The following RIMS1 variants were observed in gnomAD, a reference collection of about 807,000 sequenced individuals.
RIMS1 encodes the protein regulating synaptic membrane exocytosis protein 1.
RIMS1 carries 83 observed loss-of-function variants against 214.1 expected under a neutral mutation model. That is an observed-to-expected ratio of 0.39 (90% CI 0.32 to 0.47). RIMS1 has a LOEUF of 0.47. RIMS1 is among the 20% of genes least tolerant of loss of function. RIMS1 has a pLI of 0.99. For synonymous variants in RIMS1, 793 were observed against 786.8 expected (o/e 1.01, Z -0.13); for missense variants, 2,050 against 2,161.8 (o/e 0.95, Z 1.03).
chr6:72,038,345 A>G (rs977286996), intron 2 of RIMS1, among the ~76,000 whole-genome samples: 2 of 151,632 alleles, frequency 1.3e-5, no homozygotes, highest in African/African-American at 4.8e-5. Context: ...TAATTTGTAA[A>G]CACTGTCATA....
chr6:71,983,822 A>G (rs942426298), intron 2 of RIMS1, among the ~76,000 whole-genome samples: 1 of 152,228 alleles, frequency 6.6e-6, no homozygotes, highest in Non-Finnish European at 1.5e-5. Context: ...TACATAGCAA[A>G]CCATCTTGTA....
At chr6:71,995,026 T>A (rs1802956117) in intron 2 of RIMS1, among the ~76,000 whole-genome samples, 1 of 152,116 alleles carries the variant, frequency 6.6e-6, no homozygotes, top group Admixed American at 6.6e-5. Context: ...TATTAACATA[T>A]CAAGAAGTAA....
intron 29 of RIMS1, among the ~76,000 whole-genome samples, chr6:72,340,876 T>C (rs897721966): frequency 1.3e-5 from 2 of 152,110 alleles, no homozygotes; most frequent in African/African-American, 4.8e-5. Flanking sequence ...CCTTGGGCAG[T>C]ATGGCCATTT....
intron 6 of RIMS1, among the ~76,000 whole-genome samples, chr6:72,191,486 T>C (rs954223032): frequency 1.3e-5 from 2 of 152,240 alleles, no homozygotes; most frequent in Non-Finnish European, 2.9e-5. Context: ...CAGCATAATG[T>C]CATCAATGTA....
intron 24 of RIMS1, 138 bp downstream of exon 24, chr6:72,284,256 C>A: frequency 1.7e-6 from 1 of 594,948 alleles, no homozygotes. Context: ...AAACCTACCC[C>A]TAAATGGAAA....
chr6:72,013,476 ATGAAAAAGAC>A (rs1811581818), intron 2 of RIMS1, among the ~76,000 whole-genome samples: 2 of 152,216 alleles, frequency 1.3e-5, no homozygotes, highest in South Asian at 4.1e-4. Context: ...AACTAGAGAA[ATGAAAAAGAC>A]TGAAAAAGAC....
chr6:71,934,468 T>A (rs932008708), intron 1 of RIMS1, among the ~76,000 whole-genome samples: 5 of 152,228 alleles, frequency 3.3e-5, no homozygotes, highest in African/African-American at 1.2e-4. Flanking sequence ...TCTAATGCTG[T>A]TACACGTTTG....
At chr6:72,341,954 T>C (rs957176126) in intron 29 of RIMS1, among the ~76,000 whole-genome samples, 2 of 151,858 alleles carry the variant, frequency 1.3e-5, no homozygotes, top group Non-Finnish European at 2.9e-5. Context: ...CAGGACTCTT[T>C]CACAATTTTC....
At chr6:72,290,656 C>G in intron 24 of RIMS1, 23 bp from the exon 25 acceptor site, 1 of 1,603,130 alleles carries the variant, frequency 6.2e-7, no homozygotes, top group Non-Finnish European at 8.5e-7. Context: ...GACTGAAGAT[C>G]TTTTTTGGCC....
At chr6:71,978,811 A>G (rs1398997190) in intron 2 of RIMS1, among the ~76,000 whole-genome samples, 4 of 152,090 alleles carry the variant, frequency 2.6e-5, no homozygotes, top group African/African-American at 9.7e-5. Flanking sequence ...ATCAATATCA[A>G]TTTTCTATTG....
chr6:72,340,730 T>G (rs1211036602), intron 29 of RIMS1, among the ~76,000 whole-genome samples: 1 of 152,086 alleles, frequency 6.6e-6, no homozygotes, highest in African/African-American at 2.4e-5. Context: ...GCCTCCAGCT[T>G]TGTTCTTTTG....
At chr6:72,226,763 CA>C (rs11313837) in intron 6 of RIMS1, among the ~76,000 whole-genome samples, 104,137 of 151,838 alleles carry the variant, frequency 0.69, 36,534 homozygotes, top group East Asian at 0.98. Flanking sequence ...AAGCCCATTT[CA>C]AAGCATGTTT....
chr6:72,181,404 A>G (rs1186454420), intron 5 of RIMS1, among the ~76,000 whole-genome samples: 3 of 152,222 alleles, frequency 2.0e-5, no homozygotes, highest in African/African-American at 7.2e-5. Flanking sequence ...TGGGAGAAGA[A>G]GAGACAAAAA....
rs138233637 is a variant in RIMS1 at position 72,025,659 on chromosome 6, A to C, written c.245+56596A>C. Reference sequence around the variant, plus strand: ...TGGCTAGGACCTTTTTGTACTAGTTATCTATTGCTTCACTCGCATAAATTA... The same window carrying C: ...TGGCTAGGACCTTTTTGTACTAGTTCTCTATTGCTTCACTCGCATAAATTA... On this transcript the variant is annotated intron_variant, in intron 2 of 33. Coordinates refer to ENST00000521978, the MANE Select transcript of RIMS1 (RefSeq NM_014989.7). 6.6e-5 allele frequency among the ~76,000 whole-genome samples: 10 copies of C among 152,248 alleles called. No homozygotes were observed. In the East Asian group the frequency reaches 1.4e-3, roughly 21 times the overall value.
chr6:72,377,084 A>G (rs1431983627), intron 29 of RIMS1, among the ~76,000 whole-genome samples: 1 of 152,214 alleles, frequency 6.6e-6, no homozygotes, highest in African/African-American at 2.4e-5. Flanking sequence ...CTTGACAAAA[A>G]TATCTTTTTA....
chr6:72,199,689 G>A (rs1194439367), intron 6 of RIMS1, among the ~76,000 whole-genome samples: 1 of 151,984 alleles, frequency 6.6e-6, no homozygotes, highest in African/African-American at 2.4e-5. Context: ...AGAAATAGAG[G>A]ATTAAGTATG....
chr6:72,133,224 T>G (rs1587803974), intron 4 of RIMS1, among the ~76,000 whole-genome samples: 1 of 140,722 alleles, frequency 7.1e-6, no homozygotes, highest in East Asian at 2.0e-4. Flanking sequence ...TTTTTTTCTT[T>G]TCTCTCTTTT....
chr6:72,281,618 T>G (rs1306266860), intron 23 of RIMS1, among the ~76,000 whole-genome samples: 1 of 152,132 alleles, frequency 6.6e-6, no homozygotes, highest in Non-Finnish European at 1.5e-5. Flanking sequence ...GCAAAATTTT[T>G]CATCTGAATC....
In RIMS1 at chr6:72,183,091, G is replaced by A; in HGVS notation, c.1620G>A (p.Thr540=). 6.3e-7 allele frequency: 1 copy of A among 1,591,800 alleles called. No homozygotes were observed. The highest frequency in any genetic ancestry group is 8.5e-7 in the Non-Finnish European group (1 of 1,170,308). The change falls in exon 6 of 34, where the codon ACG becomes ACA. Residue 540 remains threonine, a synonymous_variant. Coordinates refer to ENST00000521978, the MANE Select transcript of RIMS1 (RefSeq NM_014989.7). ...VSSSEEEGVS[T]PEYTSCEDVE... is the part of the protein sequence containing the mutation. The stretch of plus-strand genomic sequence containing the variant: ...GCTCTGAGGAGGAGGGCGTGTCGAC[G>A]CCCGAGTACACCAGCTGCGAGGACG...
Sources: gnomAD v4.1 joint callset for allele counts (sites outside exome capture counted in the v4.1 genomes callset) on GRCh38, gnomAD v4.1.1 for gene constraint, MANE v1.5 for transcripts, NCBI Gene and HGNC (gene_info 2026-07-23, HGNC 2026-07-21) for gene names.